The following AK4 variants were observed in gnomAD, a reference collection of about 807,000 sequenced individuals.
AK4 encodes adenylate kinase 4.
A neutral mutation model predicts 24.6 loss-of-function variants in AK4; 13 were observed. That is an observed-to-expected ratio of 0.53 (90% CI 0.34 to 0.84). The LOEUF (loss-of-function observed/expected upper bound fraction) is 0.84. Among genes scored for constraint, AK4 ranks in the 40% least tolerant of loss-of-function variants. The pLI is 0.01. For synonymous variants in AK4, 88 were observed against 107.0 expected, an observed-to-expected ratio of 0.82 and a Z score of 1.10; for missense variants, 192 against 288.2, an observed-to-expected ratio of 0.67 and a Z score of 2.42.
chr1:65,181,559 G>A (rs1298253217), intron 1 of AK4, among the ~76,000 whole-genome samples: 2 of 151,774 alleles, frequency 1.3e-5, no homozygotes, highest in Non-Finnish European at 2.9e-5. Context: ...GCTAATTTTG[G>A]TATTTTTAGC....
At chr1:65,206,669 G>T (rs536846085) in intron 2 of AK4, among the ~76,000 whole-genome samples, 7 of 152,196 alleles carry the variant, frequency 4.6e-5, no homozygotes, top group African/African-American at 1.7e-4. Context: ...CTACTTGGGT[G>T]GGGGGTGGCT....
At chr1:65,157,951 GTCATTGTCACAGCATACCTGAAAC>G (rs1322732383) in intron 1 of AK4, among the ~76,000 whole-genome samples, 3 of 152,146 alleles carry the variant, frequency 2.0e-5, no homozygotes, top group Admixed American at 2.0e-4. Flanking sequence ...AGATGGCATG[GTCATTGTCACAGCATACCTGAAAC>G]TCCTCTTGTA....
chr1:65,153,641 C>A (rs965604379), intron 1 of AK4, among the ~76,000 whole-genome samples: 7 of 151,852 alleles, frequency 4.6e-5, no homozygotes, highest in Admixed American at 4.6e-4. Flanking sequence ...AAATATAAAA[C>A]GGTAGAAGAA....
At chr1:65,163,967 G>A (rs1650251779) in intron 1 of AK4, among the ~76,000 whole-genome samples, 1 of 152,094 alleles carries the variant, frequency 6.6e-6, no homozygotes, top group African/African-American at 2.4e-5. Flanking sequence ...GATCCAGTGA[G>A]TGCAGGATCT....
At chr1:65,219,417 G>A (rs1205914319) in intron 3 of AK4, among the ~76,000 whole-genome samples, 1 of 152,104 alleles carries the variant, frequency 6.6e-6, no homozygotes, top group Non-Finnish European at 1.5e-5. Flanking sequence ...GTTAGGTCAT[G>A]TATAGGTTGA....
At chr1:65,158,660 C>T (rs1650054241) in intron 1 of AK4, among the ~76,000 whole-genome samples, 2 of 152,068 alleles carry the variant, frequency 1.3e-5, no homozygotes, top group African/African-American at 2.4e-5. Flanking sequence ...GCCACCATGA[C>T]CTGCTAAATT....
chr1:65,206,024 A>T (rs1027368330), intron 2 of AK4, among the ~76,000 whole-genome samples: 33 of 151,312 alleles, frequency 2.2e-4, no homozygotes, highest in African/African-American at 7.8e-4. Flanking sequence ...CTGGATACAG[A>T]TCCCTACACA....
At chr1:65,171,859 G>A (rs1049095207) in intron 1 of AK4, among the ~76,000 whole-genome samples, 1 of 151,472 alleles carries the variant, frequency 6.6e-6, no homozygotes, top group Non-Finnish European at 1.5e-5. Flanking sequence ...CTTGAGGTCA[G>A]GAGTTTTAGA....
At chr1:65,196,782 A>T (rs942096496) in intron 2 of AK4, among the ~76,000 whole-genome samples, 6 of 152,060 alleles carry the variant, frequency 3.9e-5, no homozygotes, top group African/African-American at 7.2e-5. Context: ...TCACTTTTTT[A>T]AAAAAGGGTC....
chr1:65,182,210 A>C (rs1891674), intron 1 of AK4, among the ~76,000 whole-genome samples: 50,447 of 152,046 alleles, frequency 0.33, 9,296 homozygotes, highest in East Asian at 0.52. Flanking sequence ...TGTGAGCTAC[A>C]ACACTCAGTT....
chr1:65,184,893 C>A (rs1007930200), intron 1 of AK4, among the ~76,000 whole-genome samples: 7 of 152,136 alleles, frequency 4.6e-5, no homozygotes, highest in Non-Finnish European at 8.8e-5. Context: ...GATCTTGTAT[C>A]AGGTTAGAGG....
At chr1:65,193,744 C>T (rs1213055816) in intron 2 of AK4, among the ~76,000 whole-genome samples, 1 of 152,194 alleles carries the variant, frequency 6.6e-6, no homozygotes, top group Non-Finnish European at 1.5e-5. Context: ...GGTTTTGCAT[C>T]CTGCAAATAC....
chr1:65,207,497 A>G, intron 2 of AK4, among the ~76,000 whole-genome samples: 1 of 151,320 alleles, frequency 6.6e-6, no homozygotes, highest in East Asian at 1.9e-4. Context: ...TGGGGCTCAC[A>G]GAGTGGTAGG....
intron 1 of AK4, among the ~76,000 whole-genome samples, chr1:65,174,656 A>C (rs1125091): frequency 6.6e-6 from 1 of 152,002 alleles, no homozygotes; most frequent in Non-Finnish European, 1.5e-5. Flanking sequence ...ACAAAGAATT[A>C]CGGTGTGAGA....
chr1:65,206,380 A>C (rs1015190116), intron 2 of AK4, among the ~76,000 whole-genome samples: 1 of 152,156 alleles, frequency 6.6e-6, no homozygotes, highest in Non-Finnish European at 1.5e-5. Flanking sequence ...ATCATTTACA[A>C]ATTTCTTTAG....
intron 1 of AK4, among the ~76,000 whole-genome samples, chr1:65,155,784 C>T (rs1039824909): frequency 6.6e-6 from 1 of 152,060 alleles, no homozygotes; most frequent in Admixed American, 6.6e-5. Context: ...ATTCTCCTGC[C>T]TCAGCCTCCC....
intron 2 of AK4, among the ~76,000 whole-genome samples, chr1:65,203,523 G>A (rs558606888): frequency 6.6e-6 from 1 of 152,062 alleles, no homozygotes; most frequent in South Asian, 2.1e-4. Context: ...ACCCCTCTTG[G>A]CCTGGCGCGA....
At chr1:65,157,913 G>A (rs1650031476) in intron 1 of AK4, among the ~76,000 whole-genome samples, 1 of 152,176 alleles carries the variant, frequency 6.6e-6, no homozygotes, top group African/African-American at 2.4e-5. Context: ...CCTGAGCTGA[G>A]TTTTGACAAA....
chr1:65,188,000 AAG>A (rs1473504458), intron 1 of AK4, among the ~76,000 whole-genome samples: 2 of 152,142 alleles, frequency 1.3e-5, no homozygotes, highest in African/African-American at 2.4e-5. Context: ...GGTAGTACTC[AAG>A]AGATATGGAG....
Sources: allele counts gnomAD v4.1 joint callset (sites outside exome capture counted in the v4.1 genomes callset), GRCh38; gene constraint gnomAD v4.1.1; transcripts MANE v1.5; gene names NCBI Gene and HGNC (gene_info 2026-07-23, HGNC 2026-07-21).